The following FRMD4A variants were observed in gnomAD, a reference collection of about 807,000 sequenced individuals.
FRMD4A encodes the protein FERM domain containing 4A, also known as FERM domain-containing protein 4A.
Under a neutral mutation model 129.1 loss-of-function variants are expected in FRMD4A, and 29 were observed. That is an observed-to-expected ratio of 0.22 (90% CI 0.17 to 0.31). FRMD4A has a LOEUF of 0.31. FRMD4A is among the 10% of genes least tolerant of loss of function. The pLI is 1.00. For missense variants in FRMD4A, 1,272 were observed against 1,375.8 expected, an observed-to-expected ratio of 0.92 and a Z score of 1.19; for synonymous variants, 634 against 571.6, an observed-to-expected ratio of 1.11 and a Z score of -1.56.
At chr10:14,088,348 A>T (rs906620986) in intron 2 of FRMD4A, among the ~76,000 whole-genome samples, 1 of 151,764 alleles carries the variant, frequency 6.6e-6, no homozygotes, top group Non-Finnish European at 1.5e-5. Context: ...TCAGGAGGCT[A>T]AGTTGGGAGG....
At chr10:14,255,878 C>A (rs1047211520) in intron 2 of FRMD4A, among the ~76,000 whole-genome samples, 2 of 151,818 alleles carry the variant, frequency 1.3e-5, no homozygotes, top group African/African-American at 4.8e-5. Flanking sequence ...TGGTGGCCTG[C>A]ACCTTTAATC....
intron 13 of FRMD4A, among the ~76,000 whole-genome samples, chr10:13,704,183 C>G (rs2087163970): frequency 6.6e-6 from 1 of 152,202 alleles, no homozygotes; most frequent in African/African-American, 2.4e-5. Flanking sequence ...AAAAAGAGAA[C>G]TGAGTGCAAG....
chr10:13,982,459 AGAAGG>A (rs1237582859), intron 2 of FRMD4A, among the ~76,000 whole-genome samples: 29 of 103,618 alleles, frequency 2.8e-4, no homozygotes, highest in African/African-American at 9.7e-4. Flanking sequence ...CTTCAGCCTG[AGAAGG>A]GAAGGGGAGG....
At chr10:13,921,232 CTCTT>C (rs1193531712) in intron 2 of FRMD4A, among the ~76,000 whole-genome samples, 2 of 141,484 alleles carry the variant, frequency 1.4e-5, no homozygotes, top group East Asian at 4.1e-4. Context: ...TTCTTTCTCT[CTCTT>C]TCTTTCTCTC....
intron 12 of FRMD4A, among the ~76,000 whole-genome samples, chr10:13,720,319 G>A (rs949918504): frequency 2.0e-5 from 3 of 152,232 alleles, no homozygotes; most frequent in African/African-American, 7.2e-5. Flanking sequence ...AAAGTGTTGG[G>A]ATTACAGGCA....
At chr10:14,185,041 C>T (rs966367568) in intron 2 of FRMD4A, among the ~76,000 whole-genome samples, 1 of 152,126 alleles carries the variant, frequency 6.6e-6, no homozygotes. Flanking sequence ...GAATCTAGGT[C>T]CCTGGGCCTT....
intron 2 of FRMD4A, among the ~76,000 whole-genome samples, chr10:14,099,971 T>C (rs1184480116): frequency 6.6e-6 from 1 of 152,170 alleles, no homozygotes; most frequent in Non-Finnish European, 1.5e-5. Flanking sequence ...CCGTTCCCTG[T>C]CTGTCTCTTT....
At chr10:14,147,713 C>T (rs537956313) in intron 2 of FRMD4A, among the ~76,000 whole-genome samples, 3 of 152,178 alleles carry the variant, frequency 2.0e-5, no homozygotes, top group African/African-American at 7.2e-5. Flanking sequence ...AGGTGGAGCT[C>T]AGGTGGTAAT....
At chr10:14,262,377 A>G (rs1395417184) in intron 2 of FRMD4A, among the ~76,000 whole-genome samples, 1 of 152,206 alleles carries the variant, frequency 6.6e-6, no homozygotes, top group African/African-American at 2.4e-5. Context: ...GTTATTGTGC[A>G]TGTTAAAATT....
intron 2 of FRMD4A, among the ~76,000 whole-genome samples, chr10:13,985,390 C>A (rs571858901): frequency 7.0e-4 from 106 of 152,318 alleles, no homozygotes; most frequent in Middle Eastern, 3.4e-3. Flanking sequence ...GCACCTCCCA[C>A]TGGCCTTGGG....
chr10:13,714,035 T>TAAAATATATAATATATA (rs56952909), intron 12 of FRMD4A, among the ~76,000 whole-genome samples: 1 of 46,554 alleles, frequency 2.1e-5, no homozygotes, highest in Admixed American at 3.9e-4. Flanking sequence ...TACATATATA[T>TAAAATATATAATATATA]ATATATATAT....
intron 6 of FRMD4A, among the ~76,000 whole-genome samples, chr10:13,782,193 A>T (rs1376611357): frequency 6.6e-6 from 1 of 152,162 alleles, no homozygotes; most frequent in Admixed American, 6.5e-5. Context: ...CCTTTGAAAG[A>T]TGCTGCTAGA....
At chr10:14,209,071 G>A (rs1002998552) in intron 2 of FRMD4A, among the ~76,000 whole-genome samples, 12 of 152,006 alleles carry the variant, frequency 7.9e-5, no homozygotes, top group African/African-American at 2.7e-4. Context: ...GTAAATGCAG[G>A]GTTGAAGGAT....
intron 2 of FRMD4A, among the ~76,000 whole-genome samples, chr10:14,050,534 T>C (rs928106001): frequency 6.6e-6 from 1 of 152,078 alleles, no homozygotes; most frequent in African/African-American, 2.4e-5. Flanking sequence ...GATTGGCTCA[T>C]AAGATCGTTA....
At chr10:13,699,228 T>TTG (rs2086555891) in intron 14 of FRMD4A, among the ~76,000 whole-genome samples, 1 of 121,056 alleles carries the variant, frequency 8.3e-6, no homozygotes, top group Non-Finnish European at 1.8e-5. Flanking sequence ...GTTATTGTTT[T>TTG]TTTTTTTTTT....
chr10:13,909,066 C>T (rs560345373), intron 2 of FRMD4A, among the ~76,000 whole-genome samples: 41 of 152,284 alleles, frequency 2.7e-4, no homozygotes, highest in African/African-American at 9.9e-4. Context: ...TTTTCACAGC[C>T]CTTATCATCA....
At chr10:13,938,311 G>A (rs35210678) in intron 2 of FRMD4A, among the ~76,000 whole-genome samples, 19,034 of 151,972 alleles carry the variant, frequency 0.13, 1,317 homozygotes, top group Non-Finnish European at 0.17. Flanking sequence ...GCATGATCTC[G>A]GCTCACTGAA....
At chr10:14,096,684 G>C (rs1450496421) in intron 2 of FRMD4A, among the ~76,000 whole-genome samples, 1 of 152,210 alleles carries the variant, frequency 6.6e-6, no homozygotes, top group African/African-American at 2.4e-5. Context: ...ATGAAAATAA[G>C]TGGGCAGATC....
chr10:13,671,098 T>A (rs2083473283), intron 16 of FRMD4A, among the ~76,000 whole-genome samples: 1 of 152,176 alleles, frequency 6.6e-6, no homozygotes, highest in South Asian at 2.1e-4. Flanking sequence ...AGTAACCTAC[T>A]CTGGCCAGAT....
Sources: gnomAD v4.1 joint callset for allele counts (sites outside exome capture counted in the v4.1 genomes callset) on GRCh38, gnomAD v4.1.1 for gene constraint, MANE v1.5 for transcripts, NCBI Gene and HGNC (gene_info 2026-07-23, HGNC 2026-07-21) for gene names.